HMGN5: variants seen among roughly 807,000 people sequenced by gnomAD.
HMGN5 encodes the protein high mobility group nucleosome binding domain 5.
Under a neutral mutation model 9.5 loss-of-function variants are expected in HMGN5, and 4 were observed. The ratio of observed to expected loss-of-function variants is 0.42; its 90% confidence interval spans 0.21 to 0.96. The LOEUF is 0.96. Ranked by LOEUF, HMGN5 falls within the 40% of genes least tolerant of loss-of-function variation. HMGN5 has a pLI of 0.30. For missense variants in HMGN5, 192 were observed against 187.5 expected (o/e 1.02, Z -0.14); for synonymous variants, 55 against 57.1 (o/e 0.96, Z 0.16).
intron 1 of HMGN5, among the ~76,000 whole-genome samples, chrX:81,125,590 A>T (rs1372343331): frequency 8.9e-6 from 1 of 112,031 alleles, no homozygotes; most frequent in Non-Finnish European, 1.9e-5. Context: ...CACTGATATG[A>T]CAGATAGATT....
chrX:81,115,652 A>G (rs2075251242), intron 6 of HMGN5, among the ~76,000 whole-genome samples: 1 of 112,045 alleles, frequency 8.9e-6, no homozygotes, highest in South Asian at 3.6e-4. Flanking sequence ...TTATGTAAAA[A>G]TTACTTGAAA....
intron 1 of HMGN5, among the ~76,000 whole-genome samples, chrX:81,185,599 C>A (rs929804447): frequency 9.0e-6 from 1 of 111,163 alleles, no homozygotes; most frequent in Non-Finnish European, 1.9e-5. Context: ...TTTGGGTACC[C>A]TTTATTTGTT....
Position 81,113,993 on chromosome X carries a change from CATGA to C in HMGN5, c.*652_*655del, listed in dbSNP as rs1162473323. On this transcript the variant is annotated 3_prime_UTR_variant, in exon 7 of 7. Transcript: ENST00000358130. The stretch of plus-strand genomic sequence containing the variant: ...TATGTCAGTGAATATTAAATATTTT[CATGA>C]ATAACACAATAGAAAAAAATTAAGC... 2 of 111,311 alleles carry C rather than the reference CATGA, an allele frequency of 1.8e-5. No homozygotes were observed. Among genetic ancestry groups the C allele is most frequent in the African/African-American group, 6.5e-5 (2 of 30,692 alleles). The allele number at this position is 111,311 out of a possible 1,213,427, so 9.2% of individuals were successfully genotyped here.
chrX:81,156,810 A>G (rs185387095), intron 1 of HMGN5, among the ~76,000 whole-genome samples: 1 of 109,888 alleles, frequency 9.1e-6, no homozygotes, highest in Non-Finnish European at 1.9e-5. Context: ...TTCTCCGAAG[A>G]TTGATTTCTT....
chrX:81,181,116 C>T (rs2147643955), intron 1 of HMGN5, among the ~76,000 whole-genome samples: 1 of 110,512 alleles, frequency 9.0e-6, no homozygotes, highest in Non-Finnish European at 1.9e-5. Context: ...TTGATGGGTG[C>T]AGCAAACCAA....
chrX:81,179,136 C>T (rs749277400), intron 1 of HMGN5, among the ~76,000 whole-genome samples: 5 of 111,268 alleles, frequency 4.5e-5, no homozygotes, highest in South Asian at 7.7e-4. Flanking sequence ...CTTTGAAAAC[C>T]GGCACAAGAC....
At position 81,114,591 on chromosome X, in the gene HMGN5, A is replaced by G; in HGVS notation, c.*58T>C. 1 of 1,001,293 alleles carries G rather than the reference A, an allele frequency of 1.0e-6. No individual in the cohort carries two copies. Among genetic ancestry groups the G allele is most frequent in the Non-Finnish European group, 1.3e-6 (1 of 777,855 alleles). 82.5% of individuals were successfully genotyped at this position (1,001,293 alleles called of 1,213,427 possible). On this transcript the variant is annotated 3_prime_UTR_variant, in exon 7 of 7. Coordinates refer to ENST00000358130, the MANE Select transcript of HMGN5 (RefSeq NM_030763.3). ...ATTTTTGATAAAAATATTTATCTCT[A>G]TTAACTTTACAACATGAAGGTACAT...
At chrX:81,148,922 A>C (rs2075353154) in intron 1 of HMGN5, among the ~76,000 whole-genome samples, 1 of 112,178 alleles carries the variant, frequency 8.9e-6, no homozygotes, top group African/African-American at 3.2e-5. Context: ...TCAAAACCAC[A>C]ATGAGATACC....
intron 1 of HMGN5, among the ~76,000 whole-genome samples, chrX:81,200,149 A>T (rs2075521475): frequency 8.9e-6 from 1 of 112,735 alleles, no homozygotes; most frequent in African/African-American, 3.2e-5. Context: ...GTCATGAGAG[A>T]AATGCAAATC....
At chrX:81,179,714 T>C (rs771805126) in intron 1 of HMGN5, among the ~76,000 whole-genome samples, 14 of 111,796 alleles carry the variant, frequency 1.3e-4, no homozygotes, top group African/African-American at 3.9e-4. Context: ...TTAAAGTTCA[T>C]GTGGAACCAA....
intron 1 of HMGN5, among the ~76,000 whole-genome samples, chrX:81,135,410 A>G (rs4826210): frequency 1.0e-3 from 117 of 111,850 alleles, no homozygotes; most frequent in Admixed American, 6.8e-3. Context: ...TTGTATAGGC[A>G]TTATTTATTA....
chrX:81,188,751 T>C (rs927146879), intron 1 of HMGN5, among the ~76,000 whole-genome samples: 13 of 110,436 alleles, frequency 1.2e-4, no homozygotes, highest in Non-Finnish European at 2.1e-4. Context: ...CCTGCGATAG[T>C]TTGCTGAGAA....
At chrX:81,136,845 A>C (rs1454494980) in intron 1 of HMGN5, among the ~76,000 whole-genome samples, 1 of 111,584 alleles carries the variant, frequency 9.0e-6, no homozygotes, top group Non-Finnish European at 1.9e-5. Context: ...GGTTAAACAT[A>C]AAAGAATGGA....
chrX:81,141,874 T>A (rs1046336120), intron 1 of HMGN5, among the ~76,000 whole-genome samples: 2 of 111,753 alleles, frequency 1.8e-5, no homozygotes, highest in Non-Finnish European at 3.8e-5. Flanking sequence ...CAGGGACCAA[T>A]CCTGGAGAAA....
chrX:81,158,179 C>T (rs761800378), intron 1 of HMGN5, among the ~76,000 whole-genome samples: 1 of 112,042 alleles, frequency 8.9e-6, no homozygotes, highest in African/African-American at 3.2e-5. Flanking sequence ...ACCAATAGTT[C>T]TATAATTGCT....
At chrX:81,124,283 A>T (rs2075277036) in intron 1 of HMGN5, among the ~76,000 whole-genome samples, 1 of 112,449 alleles carries the variant, frequency 8.9e-6, no homozygotes, top group Non-Finnish European at 1.9e-5. Context: ...CATTAACCAG[A>T]GCGGTCCTTT....
intron 2 of HMGN5, 49 bp from the exon 3 acceptor site, chrX:81,119,866 C>T: frequency 9.4e-7 from 1 of 1,060,844 alleles, no homozygotes; most frequent in Non-Finnish European, 1.3e-6. Context: ...GATATAAACA[C>T]ATAAATCAGA....
At chrX:81,145,433 C>A in intron 1 of HMGN5, among the ~76,000 whole-genome samples, 1 of 111,780 alleles carries the variant, frequency 8.9e-6, no homozygotes, top group East Asian at 2.8e-4. Flanking sequence ...GAAATAAAAT[C>A]CTTTCAGACA....
At chrX:81,133,313 A>G (rs1347815897) in intron 1 of HMGN5, among the ~76,000 whole-genome samples, 3 of 111,687 alleles carry the variant, frequency 2.7e-5, no homozygotes, top group Non-Finnish European at 5.7e-5. Context: ...TCAAAGACCT[A>G]CTAAAGACGG....
Sources: gnomAD v4.1 joint callset for allele counts (sites outside exome capture counted in the v4.1 genomes callset) on GRCh38, gnomAD v4.1.1 for gene constraint, MANE v1.5 for transcripts, NCBI Gene and HGNC (gene_info 2026-07-23, HGNC 2026-07-21) for gene names.